Variants in TACR1 observed in about 807,000 individuals in gnomAD.
TACR1 encodes tachykinin receptor 1, also known as substance-P receptor.
Under a neutral mutation model 35.8 loss-of-function variants are expected in TACR1, and 25 were observed. The ratio of observed to expected loss-of-function variants is 0.70; its 90% CI spans 0.51 to 0.98. The LOEUF (loss-of-function observed/expected upper bound fraction) is 0.98, where lower values mean the gene tolerates loss of function less well. Ranked by LOEUF, TACR1 falls within the 50% of genes least tolerant of loss-of-function variation. The probability of loss-of-function intolerance (pLI) is 0.00; values close to 1 mark genes in which losing one functional copy is unlikely to be tolerated. For missense variants in TACR1, 478 were observed against 522.9 expected, an observed-to-expected ratio of 0.91 and a Z score of 0.84; for synonymous variants, 195 against 206.7, an observed-to-expected ratio of 0.94 and a Z score of 0.48.
chr2:75,135,314 T>A (rs887305858), intron 1 of TACR1, among the ~76,000 whole-genome samples: 2 of 152,260 alleles, frequency 1.3e-5, no homozygotes, highest in Non-Finnish European at 2.9e-5. Context: ...TACTGGGCAG[T>A]GATGCTGAAC....
intron 1 of TACR1, among the ~76,000 whole-genome samples, chr2:75,174,352 T>C (rs1261689507): frequency 6.6e-6 from 1 of 152,136 alleles, no homozygotes; most frequent in Non-Finnish European, 1.5e-5. Flanking sequence ...CTGAACCCTA[T>C]ATATATAGAC....
chr2:75,060,111 G>C (rs1209810218), intron 2 of TACR1, among the ~76,000 whole-genome samples: 3 of 152,110 alleles, frequency 2.0e-5, no homozygotes, highest in Non-Finnish European at 4.4e-5. Flanking sequence ...CTAGGGGCTG[G>C]GGACACTGAG....
At chr2:75,054,840 A>G (rs1289752301) in intron 2 of TACR1, among the ~76,000 whole-genome samples, 1 of 152,326 alleles carries the variant, frequency 6.6e-6, no homozygotes, top group South Asian at 2.1e-4. Context: ...GATAGTATTA[A>G]TAGCAGAAAT....
chr2:75,172,698 A>G (rs1238784215), intron 1 of TACR1, among the ~76,000 whole-genome samples: 2 of 152,182 alleles, frequency 1.3e-5, no homozygotes, highest in African/African-American at 4.8e-5. Flanking sequence ...AGCATCTGCA[A>G]TACCTGCTTC....
At chr2:75,108,630 G>C (rs561326745) in intron 2 of TACR1, among the ~76,000 whole-genome samples, 1 of 152,082 alleles carries the variant, frequency 6.6e-6, no homozygotes, top group South Asian at 2.1e-4. Context: ...TGAAAGTTAT[G>C]GTCTTACAAT....
At chr2:75,191,547 G>A (rs58458261) in intron 1 of TACR1, among the ~76,000 whole-genome samples, 3,266 of 152,210 alleles carry the variant, frequency 0.021, 121 homozygotes, top group African/African-American at 0.075. Context: ...TACCTGTTGA[G>A]GGTGGCAAGG....
intron 2 of TACR1, among the ~76,000 whole-genome samples, chr2:75,102,270 C>A (rs1171434401): frequency 6.6e-6 from 1 of 152,168 alleles, no homozygotes; most frequent in African/African-American, 2.4e-5. Context: ...GAGACACTCC[C>A]ACAGAATTCA....
intron 1 of TACR1, among the ~76,000 whole-genome samples, chr2:75,196,828 GCAAA>G (rs746894833): frequency 5.9e-5 from 9 of 152,132 alleles, no homozygotes; most frequent in East Asian, 1.9e-4. Flanking sequence ...TGCAGAAAAA[GCAAA>G]CAAACAAACA....
At chr2:75,127,471 C>G (rs1316742730) in intron 1 of TACR1, among the ~76,000 whole-genome samples, 2 of 152,104 alleles carry the variant, frequency 1.3e-5, no homozygotes, top group Non-Finnish European at 2.9e-5. Flanking sequence ...ATCTCCATGC[C>G]CAGTGCTGAT....
intron 1 of TACR1, among the ~76,000 whole-genome samples, chr2:75,138,200 T>C (rs1322276008): frequency 6.6e-6 from 1 of 152,188 alleles, no homozygotes; most frequent in Admixed American, 6.5e-5. Context: ...AAGGGGTATG[T>C]GAGTGTTCCA....
chr2:75,070,196 G>A (rs1195458870), intron 2 of TACR1, among the ~76,000 whole-genome samples: 1 of 151,476 alleles, frequency 6.6e-6, no homozygotes, highest in Non-Finnish European at 1.5e-5. Context: ...CCATTCAATT[G>A]ACCTACCCCC....
chr2:75,168,899 C>T (rs1675210150), intron 1 of TACR1, among the ~76,000 whole-genome samples: 1 of 151,958 alleles, frequency 6.6e-6, no homozygotes, highest in African/African-American at 2.4e-5. Flanking sequence ...AGACTTTTTC[C>T]CCTACTTGAT....
intron 2 of TACR1, among the ~76,000 whole-genome samples, chr2:75,108,895 C>T (rs1358822204): frequency 6.6e-6 from 1 of 152,116 alleles, no homozygotes; most frequent in Non-Finnish European, 1.5e-5. Context: ...TAGTTAATTC[C>T]TTTTCCCTCT....
intron 1 of TACR1, chr2:75,154,617 C>T (rs987050786): frequency 6.6e-6 from 1 of 152,344 alleles, no homozygotes; most frequent in Non-Finnish European, 1.5e-5. Flanking sequence ...CATGGTGATT[C>T]CCTCTGAAGA....
chr2:75,106,643 G>C (rs1403591517), intron 2 of TACR1, among the ~76,000 whole-genome samples: 1 of 151,796 alleles, frequency 6.6e-6, no homozygotes, highest in Non-Finnish European at 1.5e-5. Flanking sequence ...AATGAATTCT[G>C]TTATTAAAAT....
rs1321106294 is a variant in TACR1, at chr2:75,093,905, G to T, written c.584+26669C>A. On this transcript the variant is annotated intron_variant, in intron 2 of 4. Transcript: ENST00000305249. ...TATTAGAATTGATCTCGTTTAAGAG[G>T]CTCTCTCTTTCTACATGTGAGGAAA... Among the ~76,000 whole-genome samples, 7 of 152,000 alleles carry T rather than the reference G, an allele frequency of 4.6e-5. No individual in the cohort carries two copies. The South Asian group carries it at 8.4e-4, about 18-fold the overall frequency.
intron 2 of TACR1, among the ~76,000 whole-genome samples, chr2:75,094,029 G>A (rs903261272): frequency 2.0e-5 from 3 of 152,104 alleles, no homozygotes; most frequent in African/African-American, 7.2e-5. Flanking sequence ...ACAGTTTAGT[G>A]CTCTTACCTG....
intron 2 of TACR1, among the ~76,000 whole-genome samples, chr2:75,074,806 A>C (rs1672949686): frequency 6.6e-6 from 1 of 152,084 alleles, no homozygotes; most frequent in South Asian, 2.1e-4. Context: ...CTGTGCATGG[A>C]ATAAAGCATT....
chr2:75,122,931 C>A (rs1437285406), intron 1 of TACR1, among the ~76,000 whole-genome samples: 2 of 151,344 alleles, frequency 1.3e-5, no homozygotes, highest in Non-Finnish European at 3.0e-5. Flanking sequence ...TCCCCTAGAC[C>A]TGTGTCTTCC....
Sources: gnomAD v4.1 joint callset for allele counts (sites outside exome capture counted in the v4.1 genomes callset) on GRCh38, gnomAD v4.1.1 for gene constraint, MANE v1.5 for transcripts, NCBI Gene and HGNC (gene_info 2026-07-23, HGNC 2026-07-21) for gene names.